The following IDE variants were observed in gnomAD, a reference collection of about 807,000 sequenced individuals.
The protein encoded by IDE is insulin degrading enzyme, also known as insulin-degrading enzyme.
A neutral mutation model predicts 133.2 loss-of-function variants in IDE; 58 were observed. The ratio of observed to expected loss-of-function variants is 0.44; its 90% CI spans 0.35 to 0.54. The LOEUF is 0.54. IDE is among the 20% of genes least tolerant of loss of function. The pLI is 0.00. For synonymous variants in IDE, 396 were observed against 421.3 expected (o/e 0.94, Z 0.73); for missense variants, 981 against 1,234.0 (o/e 0.79, Z 3.07).
chr10:92,534,589 A>G lies in IDE; in HGVS notation c.480T>C (p.Gly160=), dbSNP rs1189674666. Residue 160 remains glycine (G), a synonymous_variant, in exon 3 of 25, where the codon GGT becomes GGC. Coordinates refer to ENST00000265986, the MANE Select transcript of IDE (RefSeq NM_004969.4). ...GTATTCTGCATTACCTGTCTAGGGCACCTTCTAGGTGTTCATGAGAAACAT... is the reference window on the plus strand; with the variant it reads ...GTATTCTGCATTACCTGTCTAGGGCGCCTTCTAGGTGTTCATGAGAAACAT... ...YFDVSHEHLE[G]ALDRFAQFFL... The G allele has an allele frequency of 6.2e-7, 1 of 1,610,436 alleles. No homozygotes were observed. The highest frequency in any genetic ancestry group is 8.5e-7 in the Non-Finnish European group (1 of 1,176,776).
chr10:92,527,306 T>C (rs71480824), intron 4 of IDE, among the ~76,000 whole-genome samples: 1 of 152,204 alleles, frequency 6.6e-6, no homozygotes, highest in Non-Finnish European at 1.5e-5. Flanking sequence ...GTTCTACTTG[T>C]ATCTTCATGC....
intron 10 of IDE, among the ~76,000 whole-genome samples, chr10:92,505,498 T>C (rs1276492374): frequency 3.3e-5 from 5 of 152,214 alleles, no homozygotes; most frequent in Non-Finnish European, 7.3e-5. Flanking sequence ...CCAGACACTG[T>C]TCCACACACT....
chr10:92,506,708 A>G (rs1357431371), intron 9 of IDE, among the ~76,000 whole-genome samples, 186 bp from the exon 10 acceptor site: 1 of 152,148 alleles, frequency 6.6e-6, no homozygotes, highest in East Asian at 1.9e-4. Flanking sequence ...CTTAATGTGT[A>G]TAAAATTTAA....
intron 6 of IDE, 88 bp downstream of exon 6, chr10:92,509,962 C>A: frequency 3.4e-6 from 2 of 586,452 alleles, no homozygotes; most frequent in Non-Finnish European, 5.9e-6. Context: ...AATGAAACCT[C>A]CAAAAATTTT....
At chr10:92,548,539 ATG>A (rs1260191757) in intron 1 of IDE, among the ~76,000 whole-genome samples, 21 of 152,252 alleles carry the variant, frequency 1.4e-4, no homozygotes, top group South Asian at 4.2e-4. Flanking sequence ...GTAGTCATCC[ATG>A]AATGGTAACT....
At chr10:92,536,270 C>T (rs529230168) in intron 2 of IDE, among the ~76,000 whole-genome samples, 105 of 151,310 alleles carry the variant, frequency 6.9e-4, no homozygotes, top group African/African-American at 2.2e-3. Flanking sequence ...GTAATCCCAG[C>T]TACTCAGGAG....
In IDE at chr10:92,504,874, G is replaced by A. The variant is rs1256907247; in HGVS notation, c.1350C>T (p.Leu450=). The change falls in exon 11 of 25, where the codon CTC becomes CTT. Residue 450 remains leucine (L), a synonymous_variant. Coordinates refer to ENST00000265986, the MANE Select transcript of IDE (RefSeq NM_004969.4). ...ILHYYPLEEV[L]TAEYLLEEFR... Reference sequence around the variant, plus strand: ...ATTCTTCCAGTAAATATTCCGCTGTGAGCACCTCTTCTAGGGGATAATACT... The same window carrying A: ...ATTCTTCCAGTAAATATTCCGCTGTAAGCACCTCTTCTAGGGGATAATACT... The A allele has an allele frequency of 9.6e-6, 15 of 1,558,078 alleles. No homozygotes were observed. The highest frequency in any genetic ancestry group is 1.3e-5 in the Non-Finnish European group (15 of 1,143,560).
intron 22 of IDE, among the ~76,000 whole-genome samples, chr10:92,459,860 C>T (rs2247348): frequency 0.12 from 15,231 of 132,130 alleles, 981 homozygotes; most frequent in Middle Eastern, 0.18. Context: ...GACAGAGTCT[C>T]GCACTGTCGC....
chr10:92,551,543 GGT>G (rs1842779124), intron 1 of IDE, among the ~76,000 whole-genome samples: 1 of 148,042 alleles, frequency 6.8e-6, no homozygotes, highest in Admixed American at 6.9e-5. Context: ...ACTCCAGCCT[GGT>G]GACAGAGCAA....
intron 1 of IDE, among the ~76,000 whole-genome samples, chr10:92,560,761 C>T (rs78889587): frequency 0.021 from 3,186 of 150,856 alleles, 52 homozygotes; most frequent in Admixed American, 0.052. Context: ...CCAGCCTAGG[C>T]GACAGAGCGA....
At chr10:92,464,210 T>C (rs1217903429) in intron 20 of IDE, among the ~76,000 whole-genome samples, 1 of 152,214 alleles carries the variant, frequency 6.6e-6, no homozygotes, top group Non-Finnish European at 1.5e-5. Context: ...AAGTTGGAGA[T>C]GACTTTTTCT....
chr10:92,537,231 G>T, intron 2 of IDE, 135 bp downstream of exon 2: 1 of 571,042 alleles, frequency 1.8e-6, no homozygotes, highest in Non-Finnish European at 2.9e-6. Context: ...ATAGCTTTAC[G>T]AGGGTTCTGG....
chr10:92,479,323 A>G lies in IDE; in HGVS notation c.1838T>C (p.Leu613Pro). 1 of 1,613,838 alleles carries G rather than the reference A, an allele frequency of 6.2e-7. No individual in the cohort carries two copies. Among genetic ancestry groups the G allele is most frequent in the Non-Finnish European group, 8.5e-7 (1 of 1,179,700 alleles). The change falls in exon 15 of 25, where the codon CTA (leucine) becomes CCA (proline). Residue 613 changes from leucine to proline, a missense_variant. Leu to Pro is a moderately conservative substitution (Grantham distance 98, BLOSUM62 -3). This residue lies in a region of IDE where 660 missense variants were observed against 894.7 expected (regional missense o/e 0.74). Coordinates refer to ENST00000265986, the MANE Select transcript of IDE (RefSeq NM_004969.4). ...TTGGAGATCATAGCTCAAGCCTGCT[A>G]GCTCTGCTGCATATGCATACTCGTT... The part of the protein sequence containing the change: ...SLNEYAYAAE[L>P]AGLSYDLQNT...
intron 11 of IDE, among the ~76,000 whole-genome samples, chr10:92,494,108 G>T (rs1423957560): frequency 6.6e-6 from 1 of 152,038 alleles, no homozygotes; most frequent in Non-Finnish European, 1.5e-5. Flanking sequence ...TCGAGACAGG[G>T]TCTTGTACAG....
Position 92,564,671 on chromosome 10 carries a change from C to CAAAAAAAAAAAAAAAAAAAAAAAAAAA in IDE, c.98+9224_98+9250dup, listed in dbSNP as rs532861372. Among the ~76,000 whole-genome samples, 3 of 31,562 alleles carry CAAAAAAAAAAAAAAAAAAAAAAAAAAA rather than the reference C, an allele frequency of 9.5e-5. 1 individual carries two copies. Among genetic ancestry groups the CAAAAAAAAAAAAAAAAAAAAAAAAAAA allele is most frequent in the Admixed American group, 4.2e-4 (1 of 2,360 alleles). The allele number at this position is 31,562 out of a possible 152,430, so 20.7% of individuals were successfully genotyped here. A position where few individuals can be genotyped will look rare whatever the true frequency, so the allele number is the denominator to read the frequency against. ...CCTGGGCGATAAAGCGAGACTGTCT[C>CAAAAAAAAAAAAAAAAAAAAAAAAAAA]AAAAAAAAAAAAAAAAAAAAAAAAA... On this transcript the variant is annotated intron_variant, in intron 1 of 24. Coordinates refer to ENST00000265986, the MANE Select transcript of IDE (RefSeq NM_004969.4).
Position 92,491,158 on chromosome 10 carries a change from A to G in IDE, c.1431-563T>C, listed in dbSNP as rs953848079. On this transcript the variant is annotated intron_variant, in intron 11 of 24. Transcript: ENST00000265986. ...AAAACTGAGGTGGGAGGATTGCTTG[A>G]GCCCAGGAGTTTGAGGCTGCAGTAG... 2.6e-5 allele frequency among the ~76,000 whole-genome samples: 4 copies of G among 152,048 alleles called. No individual in the cohort carries two copies. The East Asian group carries it at 5.8e-4, about 22-fold the overall frequency.
intron 4 of IDE, among the ~76,000 whole-genome samples, chr10:92,529,019 G>A (rs1201340336): frequency 6.6e-6 from 1 of 152,144 alleles, no homozygotes; most frequent in Non-Finnish European, 1.5e-5. Flanking sequence ...AGAGGTTGCA[G>A]TGAGCCAAGA....
intron 11 of IDE, among the ~76,000 whole-genome samples, chr10:92,491,935 T>C (rs1847376834): frequency 2.0e-5 from 3 of 151,804 alleles, no homozygotes; most frequent in South Asian, 4.2e-4. Context: ...GATGCGACAG[T>C]AGAAACAGCC....
At chr10:92,483,191 A>T (rs921479128) in intron 14 of IDE, 64 bp downstream of exon 14, 6 of 795,628 alleles carry the variant, frequency 7.5e-6, no homozygotes, top group Non-Finnish European at 1.3e-5. Context: ...AGAAGAACAG[A>T]CAACTCCTGG....
Sources: gnomAD v4.1 joint callset for allele counts (sites outside exome capture counted in the v4.1 genomes callset) on GRCh38, gnomAD v4.1.1 for gene constraint, gnomAD v4.1.1 regional missense constraint, MANE v1.5 for transcripts, NCBI Gene and HGNC (gene_info 2026-07-23, HGNC 2026-07-21) for gene names.